The following STAB2 variants were observed in gnomAD, a reference collection of about 807,000 sequenced individuals.
STAB2 encodes stabilin 2.
Under a neutral mutation model 338.1 loss-of-function variants are expected in STAB2, and 288 were observed. The observed-to-expected ratio is 0.85, with a 90% CI of 0.77 to 0.94. STAB2 has a LOEUF of 0.94. Ranked by LOEUF, STAB2 falls within the 40% of genes least tolerant of loss-of-function variation. The pLI is 0.00. For missense variants in STAB2, 3,141 were observed against 3,210.1 expected, an observed-to-expected ratio of 0.98 and a Z score of 0.52; for synonymous variants, 1,202 against 1,193.3, an observed-to-expected ratio of 1.01 and a Z score of -0.15.
In STAB2 at chr12:103,675,926, A is replaced by G. The variant is rs761214406; in HGVS notation, c.2553-2A>G. The stretch of plus-strand genomic sequence containing the variant: ...GCTGATATTGCACACTCTCCTTTGC[A>G]GTTGTATTTGCAAAGCAGGATATGA... On this transcript the variant is annotated splice_acceptor_variant, in intron 23 of 68. Transcript: ENST00000388887. LOFTEE classifies it high-confidence loss of function. 1.2e-6 allele frequency: 2 copies of G among 1,610,858 alleles called. No individual in the cohort carries two copies. Among genetic ancestry groups the G allele is most frequent in the East Asian group, 2.2e-5 (1 of 44,838 alleles).
chr12:103,709,819 G>T (rs1419955175), intron 39 of STAB2, among the ~76,000 whole-genome samples: 1 of 152,130 alleles, frequency 6.6e-6, no homozygotes, highest in African/African-American at 2.4e-5. Flanking sequence ...AAGCAATGGG[G>T]TCACATAAAC....
chr12:103,688,088 C>A, intron 27 of STAB2, 80 bp from the exon 28 acceptor site: 2 of 1,389,698 alleles, frequency 1.4e-6, no homozygotes, highest in Middle Eastern at 1.8e-4. Flanking sequence ...CCCAGAGATG[C>A]ACTGTGATTG....
chr12:103,695,119 G>GA (rs1159136763), intron 31 of STAB2, among the ~76,000 whole-genome samples: 3 of 152,184 alleles, frequency 2.0e-5, no homozygotes, highest in African/African-American at 7.2e-5. Context: ...AGACTTCAGA[G>GA]AAAATAAATG....
In STAB2 at chr12:103,706,786, T is replaced by G; in HGVS notation, c.3997-6T>G. 1.9e-6 allele frequency: 3 copies of G among 1,614,228 alleles called. No homozygotes were observed. Among genetic ancestry groups the G allele is most frequent in the Non-Finnish European group, 2.5e-6 (3 of 1,180,038 alleles). On this transcript the variant is annotated splice_polypyrimidine_tract_variant and splice_region_variant and intron_variant, in intron 37 of 68. Transcript: ENST00000388887. ...TGCGTTGTCAAGCTTTGTCCTTCTG[T>G]TTCAGACGAGAGAATGCTGTGCCGG...
At chr12:103,751,190 G>A (rs962645639) in intron 60 of STAB2, among the ~76,000 whole-genome samples, 35 of 152,196 alleles carry the variant, frequency 2.3e-4, no homozygotes, top group African/African-American at 6.5e-4. Flanking sequence ...GGTTGGGTTT[G>A]TTTGACAGAT....
chr12:103,703,369 G>T (rs1879074207), intron 35 of STAB2, 93 bp downstream of exon 35: 1 of 1,473,326 alleles, frequency 6.8e-7, no homozygotes, highest in Non-Finnish European at 9.1e-7. Context: ...CTATTAAGGT[G>T]TATCAATTCA....
rs1488185521 is a variant in STAB2, at chr12:103,732,223, C to A, written c.5283+588C>A. On this transcript the variant is annotated intron_variant, in intron 50 of 68. Coordinates refer to ENST00000388887, the MANE Select transcript of STAB2 (RefSeq NM_017564.10). ...ACTTAGGAGGGTGAGGCAGGAGAAT[C>A]ACTTGAACCCAGGAAGCAGAGGTTG... Among the ~76,000 whole-genome samples the A allele has an allele frequency of 2.0e-5, 3 of 152,136 alleles. No homozygotes were observed. The East Asian group carries it at 5.8e-4, about 29-fold the overall frequency.
intron 3 of STAB2, among the ~76,000 whole-genome samples, chr12:103,602,873 A>G (rs1323947126): frequency 3.9e-5 from 6 of 152,122 alleles, no homozygotes; most frequent in Non-Finnish European, 7.4e-5. Flanking sequence ...TGCCTTTTGA[A>G]GAGAAAACAT....
Position 103,592,431 on chromosome 12 carries a change from T to G in STAB2, c.215+1401T>G, listed in dbSNP as rs528455258. Among the ~76,000 whole-genome samples, 5 of 152,172 alleles carry G rather than the reference T, an allele frequency of 3.3e-5. No homozygotes were observed. In the South Asian group the frequency reaches 1.0e-3, roughly 32 times the overall value. On this transcript the variant is annotated intron_variant, in intron 2 of 68. Coordinates refer to ENST00000388887, the MANE Select transcript of STAB2 (RefSeq NM_017564.10). ...CATACACACACACACAGGATAAAAC[T>G]TTTGCATTCAGAAATGTTTTAGATT...
At chr12:103,671,001 G>C (rs574942830) in intron 22 of STAB2, among the ~76,000 whole-genome samples, 194 bp downstream of exon 22, 1 of 152,282 alleles carries the variant, frequency 6.6e-6, no homozygotes, top group South Asian at 2.1e-4. Context: ...CCCACCTGCA[G>C]AGTTTCTGAT....
chr12:103,596,004 G>A (rs948461660), intron 3 of STAB2, among the ~76,000 whole-genome samples: 1 of 152,168 alleles, frequency 6.6e-6, no homozygotes, highest in African/African-American at 2.4e-5. Flanking sequence ...TCTACTAGCT[G>A]CTCTATGCTC....
At chr12:103,704,667 A>G (rs752575673) in intron 36 of STAB2, 53 bp downstream of exon 36, 20 of 1,522,134 alleles carry the variant, frequency 1.3e-5, no homozygotes, top group African/African-American at 2.7e-5. Context: ...AGGAGTCCCA[A>G]TTAGAAAATG....
rs775935228 is a variant in STAB2 at position 103,753,294 on chromosome 12, G to A, written c.6655G>A (p.Ala2219Thr). 1.9e-6 allele frequency: 3 copies of A among 1,614,214 alleles called. No homozygotes were observed. The South Asian group carries it at 3.3e-5, about 18-fold the overall frequency. ...YKLTFDKARE[A>T]CANEAATMAT... ...GCTGACCTTTGACAAAGCCAGAGAG[G>A]CCTGTGCCAACGAAGCTGCGACCAT... Residue 2219 changes from alanine to threonine, a missense_variant, in exon 61 of 69, where the codon GCC (alanine) becomes ACC (threonine). Ala to Thr is a moderately conservative substitution (Grantham distance 58, BLOSUM62 0). Transcript: ENST00000388887.
chr12:103,603,610 T>C (rs1002634856), intron 3 of STAB2, among the ~76,000 whole-genome samples: 4 of 152,208 alleles, frequency 2.6e-5, no homozygotes, highest in African/African-American at 9.7e-5. Context: ...CTGTCTTGAT[T>C]ACTATGGTGT....
At chr12:103,734,580 A>G (rs1401023524) in intron 51 of STAB2, among the ~76,000 whole-genome samples, 1 of 152,228 alleles carries the variant, frequency 6.6e-6, no homozygotes, top group Non-Finnish European at 1.5e-5. Context: ...AGCCATCCTG[A>G]GTCCTCATCC....
chr12:103,592,560 TACTG>T (rs1021172929), intron 2 of STAB2, among the ~76,000 whole-genome samples: 1 of 152,206 alleles, frequency 6.6e-6, no homozygotes, highest in Non-Finnish European at 1.5e-5. Context: ...ATTGAGATAT[TACTG>T]ACATACAAAA....
At chr12:103,601,340 C>T (rs1956951593) in intron 3 of STAB2, among the ~76,000 whole-genome samples, 1 of 152,100 alleles carries the variant, frequency 6.6e-6, no homozygotes, top group South Asian at 2.1e-4. Context: ...GCCAGTAATC[C>T]CAGCACTTTG....
chr12:103,737,868 T>C, intron 53 of STAB2, 88 bp downstream of exon 53: 1 of 1,540,506 alleles, frequency 6.5e-7, no homozygotes, highest in South Asian at 1.2e-5. Flanking sequence ...TGTGAAACCA[T>C]TAAGGGCCTG....
At chr12:103,739,863 C>A (rs1000417446) in intron 54 of STAB2, among the ~76,000 whole-genome samples, 1 of 152,178 alleles carries the variant, frequency 6.6e-6, no homozygotes, top group African/African-American at 2.4e-5. Context: ...ATTACCTACA[C>A]TTTACTTATG....
Sources: allele counts gnomAD v4.1 joint callset (sites outside exome capture counted in the v4.1 genomes callset), GRCh38; gene constraint gnomAD v4.1.1; transcripts MANE v1.5; gene names NCBI Gene and HGNC (gene_info 2026-07-23, HGNC 2026-07-21).